The following MAP3K8 variants were observed in gnomAD, a reference collection of about 807,000 sequenced individuals.
The protein encoded by MAP3K8 is mitogen-activated protein kinase kinase kinase 8.
In MAP3K8, 22 loss-of-function variants were observed where a neutral mutation model predicts 45.8. That is an observed-to-expected ratio of 0.48 (90% confidence interval 0.34 to 0.69). The LOEUF is 0.69. Ranked by LOEUF, MAP3K8 falls within the 30% of genes least tolerant of loss-of-function variation. The probability of loss-of-function intolerance (pLI) is 0.01; values close to 1 mark genes in which losing one functional copy is unlikely to be tolerated. For synonymous variants in MAP3K8, 223 were observed against 214.3 expected, an observed-to-expected ratio of 1.04 and a Z score of -0.36; for missense variants, 419 against 585.0, an observed-to-expected ratio of 0.72 and a Z score of 2.93.
At chr10:30,454,212 A>G (rs554356756) in intron 6 of MAP3K8, among the ~76,000 whole-genome samples, 2 of 152,056 alleles carry the variant, frequency 1.3e-5, no homozygotes, top group East Asian at 1.9e-4. Flanking sequence ...CTGCACCTCT[A>G]TGTCAGGATT....
At chr10:30,435,163 T>C (rs2132770249) in intron 1 of MAP3K8, among the ~76,000 whole-genome samples, 1 of 152,356 alleles carries the variant, frequency 6.6e-6, no homozygotes, top group East Asian at 1.9e-4. Flanking sequence ...GTTGCGATGC[T>C]TGTCTATTTC....
Position 30,460,796 on chromosome 10 carries a change from T to A in MAP3K8, c.1364T>A (p.Phe455Tyr), listed in dbSNP as rs1460565096. The change falls in exon 9 of 9, where the codon TTC (phenylalanine) becomes TAC (tyrosine). Residue 455 changes from phenylalanine (F) to tyrosine (Y), a missense_variant. Physicochemically the swap from Phe to Tyr is conservative, Grantham distance 22. Coordinates refer to ENST00000263056, the MANE Select transcript of MAP3K8 (RefSeq NM_005204.4). ...YIDLGALAGY[F>Y]NLVRGPPTLE... ...GACCTCGGCGCTCTGGCTGGCTACT[T>A]CAATCTTGTTCGGGGACCACCAACG... 1 of 1,613,854 alleles carries A rather than the reference T, an allele frequency of 6.2e-7. No homozygotes were observed. The highest frequency in any genetic ancestry group is 2.2e-5 in the East Asian group (1 of 44,894).
chr10:30,437,011 C>CTTGGAGTCCT (rs1366732323), intron 1 of MAP3K8, among the ~76,000 whole-genome samples, 165 bp from the exon 2 acceptor site: 11 of 152,020 alleles, frequency 7.2e-5, no homozygotes, highest in African/African-American at 2.7e-4. Flanking sequence ...GCTCTCCTAA[C>CTTGGAGTCCT]TCAGCAGACT....
intron 4 of MAP3K8, among the ~76,000 whole-genome samples, chr10:30,449,073 GA>G (rs759054511): frequency 4.6e-5 from 7 of 152,294 alleles, no homozygotes; most frequent in Non-Finnish European, 7.3e-5. Flanking sequence ...CAAATAGCCA[GA>G]CACGAAATGA....
intron 3 of MAP3K8, 44 bp from the exon 4 acceptor site, chr10:30,447,738 C>A (rs779556114): frequency 6.4e-7 from 1 of 1,557,946 alleles, no homozygotes; most frequent in African/African-American, 1.4e-5. Flanking sequence ...AAAAAGCCAG[C>A]TTGACTGAAG....
At chr10:30,442,198 G>A (rs548237856) in intron 3 of MAP3K8, among the ~76,000 whole-genome samples, 311 of 152,362 alleles carry the variant, frequency 2.0e-3, no homozygotes, top group African/African-American at 6.6e-3. Flanking sequence ...TTATAGCAGA[G>A]TATGCTGCTT....
At chr10:30,437,803 G>C (rs553529274) in intron 2 of MAP3K8, among the ~76,000 whole-genome samples, 30 of 152,298 alleles carry the variant, frequency 2.0e-4, no homozygotes, top group African/African-American at 6.5e-4. Flanking sequence ...TGTGTTAAAG[G>C]CTTGTGCTTC....
At chr10:30,438,612 G>A (rs1403969128) in intron 2 of MAP3K8, among the ~76,000 whole-genome samples, 1 of 152,184 alleles carries the variant, frequency 6.6e-6, no homozygotes, top group Non-Finnish European at 1.5e-5. Flanking sequence ...CTCTTGATTC[G>A]TGTGTATGTT....
intron 1 of MAP3K8, 74 bp downstream of exon 1, chr10:30,434,452 C>T (rs1835845616): frequency 2.0e-6 from 2 of 985,436 alleles, no homozygotes; most frequent in African/African-American, 3.5e-5. Context: ...GATTCCCATG[C>T]AGAAATGGAG....
At chr10:30,449,626 T>C (rs928948399) in intron 4 of MAP3K8, among the ~76,000 whole-genome samples, 17 of 152,178 alleles carry the variant, frequency 1.1e-4, no homozygotes, top group African/African-American at 3.9e-4. Flanking sequence ...TCTCTTATTG[T>C]AATAAGAGAG....
intron 3 of MAP3K8, among the ~76,000 whole-genome samples, chr10:30,440,531 C>T (rs1836066735): frequency 6.6e-6 from 1 of 152,100 alleles, no homozygotes; most frequent in Non-Finnish European, 1.5e-5. Context: ...CACAATGGAG[C>T]AAGATAATAT....
chr10:30,452,147 A>C (rs1233253291), intron 6 of MAP3K8, among the ~76,000 whole-genome samples: 1 of 151,172 alleles, frequency 6.6e-6, no homozygotes, highest in East Asian at 2.0e-4. Flanking sequence ...AAGCTTAGGC[A>C]TCATAGCAAG....
chr10:30,450,983 T>G (rs1231286740), intron 5 of MAP3K8, among the ~76,000 whole-genome samples: 1 of 150,716 alleles, frequency 6.6e-6, no homozygotes, highest in Non-Finnish European at 1.5e-5. Flanking sequence ...TCCCAGCTAC[T>G]TGGGAGGCTG....
At chr10:30,442,668 G>A (rs574792328) in intron 3 of MAP3K8, among the ~76,000 whole-genome samples, 6 of 152,278 alleles carry the variant, frequency 3.9e-5, no homozygotes, top group Admixed American at 2.0e-4. Flanking sequence ...TATCATCTAC[G>A]CTGATTCATA....
chr10:30,458,174 A>T lies in MAP3K8; in HGVS notation c.964A>T (p.Thr322Ser), dbSNP rs775953433. The T allele has an allele frequency of 6.4e-6, 10 of 1,552,136 alleles. No individual in the cohort carries two copies. In the South Asian group the frequency reaches 1.1e-4, roughly 18 times the overall value. Residue 322 changes from threonine to serine, a missense_variant, in exon 7 of 9, where the codon ACG (threonine) becomes TCG (serine). By Grantham distance (58) the Thr-to-Ser change is moderately conservative (BLOSUM62 1). Transcript: ENST00000263056. Reference protein sequence around the residue: ...SLGATLIHMQTGTPPWVKRYP... With the variant: ...SLGATLIHMQSGTPPWVKRYP... ...GGGGGCCACGCTCATCCACATGCAG[A>T]CGGGCACCCCACCCTGGGTGAAGCG...
rs527585781 is a variant in MAP3K8 at position 30,435,561 on chromosome 10, A to T, written c.-255+1183A>T. Among the ~76,000 whole-genome samples, 16 of 135,088 alleles carry T rather than the reference A, an allele frequency of 1.2e-4. No individual in the cohort carries two copies. In the South Asian group the frequency reaches 2.9e-3, roughly 25 times the overall value. The allele number at this position is 135,088 out of a possible 152,430, so 88.6% of individuals were successfully genotyped here. ...GTATATATGTATATATAATTTTTAA[A>T]TTTTTTTTGAGAGGGGGTTTCACTC... On this transcript the variant is annotated intron_variant, in intron 1 of 8. Coordinates refer to ENST00000263056, the MANE Select transcript of MAP3K8 (RefSeq NM_005204.4).
At chr10:30,459,524 C>T (rs749242870) in intron 8 of MAP3K8, 23 bp downstream of exon 8, 11 of 1,611,300 alleles carry the variant, frequency 6.8e-6, no homozygotes, top group East Asian at 2.2e-5. Flanking sequence ...TGCTGTGTGC[C>T]GCACACTTAC....
At chr10:30,454,166 G>T (rs1836654104) in intron 6 of MAP3K8, among the ~76,000 whole-genome samples, 1 of 152,084 alleles carries the variant, frequency 6.6e-6, no homozygotes, top group South Asian at 2.1e-4. Flanking sequence ...TCTCTTTGCT[G>T]GAAGTGCCCA....
intron 3 of MAP3K8, among the ~76,000 whole-genome samples, chr10:30,443,657 A>G (rs1836196551): frequency 6.6e-6 from 1 of 152,248 alleles, no homozygotes; most frequent in Non-Finnish European, 1.5e-5. Flanking sequence ...CTGCATGAAT[A>G]TAGATCGATA....
Sources: gnomAD v4.1 joint callset for allele counts (sites outside exome capture counted in the v4.1 genomes callset) on GRCh38, gnomAD v4.1.1 for gene constraint, MANE v1.5 for transcripts, NCBI Gene and HGNC (gene_info 2026-07-23, HGNC 2026-07-21) for gene names.